Variants in MAEA observed in about 807,000 individuals in gnomAD.
MAEA encodes macrophage erythroblast attacher, E3 ubiquitin ligase.
In MAEA, 22 loss-of-function variants were observed where a neutral mutation model predicts 46.2. The observed-to-expected ratio is 0.48, with a 90% CI of 0.34 to 0.68. The LOEUF (loss-of-function observed/expected upper bound fraction) is 0.68, where lower values mean the gene tolerates loss of function less well. Ranked by LOEUF, MAEA falls within the 30% of genes least tolerant of loss-of-function variation. The pLI is 0.01. For missense variants in MAEA, 393 were observed against 558.1 expected (o/e 0.70, Z 2.98); for synonymous variants, 246 against 222.6 (o/e 1.11, Z -0.94).
intron 6 of MAEA, among the ~76,000 whole-genome samples, chr4:1,336,406 C>T (rs1369411937): frequency 6.7e-6 from 1 of 150,164 alleles, no homozygotes; most frequent in Non-Finnish European, 1.5e-5. Context: ...CACCCCACAG[C>T]ATGTTGAAAT....
chr4:1,292,230 A>G (rs1734171484), intron 1 of MAEA, among the ~76,000 whole-genome samples: 2 of 152,094 alleles, frequency 1.3e-5, no homozygotes, highest in South Asian at 4.1e-4. Context: ...TTCACCTGGT[A>G]ATAGTTAAAC....
At chr4:1,325,443 CAT>C (rs1377896323) in intron 4 of MAEA, among the ~76,000 whole-genome samples, 3 of 152,224 alleles carry the variant, frequency 2.0e-5, no homozygotes, top group African/African-American at 7.2e-5. Context: ...AGTTTCACGA[CAT>C]AGACACACTT....
chr4:1,321,913 T>C (rs928389613), intron 3 of MAEA, among the ~76,000 whole-genome samples: 2 of 151,988 alleles, frequency 1.3e-5, no homozygotes, highest in African/African-American at 4.8e-5. Flanking sequence ...AATCATTGGT[T>C]GTAACTACCG....
intron 1 of MAEA, chr4:1,297,897 C>G (rs967537668): frequency 2.3e-5 from 10 of 433,224 alleles, no homozygotes; most frequent in African/African-American, 2.0e-4. Flanking sequence ...TTCTCCCTTG[C>G]CTCCACCCCT....
intron 4 of MAEA, among the ~76,000 whole-genome samples, chr4:1,326,617 T>C (rs1049252476): frequency 2.0e-5 from 3 of 151,984 alleles, no homozygotes; most frequent in Non-Finnish European, 4.4e-5. Context: ...CTGCAGGAGC[T>C]TCCCCCACCC....
intron 5 of MAEA, chr4:1,329,484 C>T (rs1274503432): frequency 1.0e-5 from 10 of 985,186 alleles, no homozygotes; most frequent in Non-Finnish European, 9.6e-6. Flanking sequence ...TCCTTCCTCC[C>T]GCAAGCAGAC....
intron 4 of MAEA, among the ~76,000 whole-genome samples, chr4:1,326,006 G>T (rs148497650): frequency 1.2e-3 from 178 of 152,080 alleles, no homozygotes; most frequent in African/African-American, 4.2e-3. Context: ...AGGCAGCAGG[G>T]CAGGGACCTG....
intron 3 of MAEA, among the ~76,000 whole-genome samples, chr4:1,316,329 T>TGGGGG (rs1560355632): frequency 7.9e-6 from 1 of 126,412 alleles, no homozygotes; most frequent in Non-Finnish European, 1.5e-5. Context: ...TCCACTGCTG[T>TGGGGG]GGGGGCCCAT....
Position 1,338,544 on chromosome 4 carries a change from A to G in MAEA, c.1022A>G (p.Lys341Arg). 6.2e-6 allele frequency: 10 copies of G among 1,613,392 alleles called. No individual in the cohort carries two copies. The highest frequency in any genetic ancestry group is 8.5e-6 in the Non-Finnish European group (10 of 1,180,010). ...TGTGCCAACTCCCGCCTGGTCTGCA[A>G]GATTTCTGGCGACGTGATGAACGAG... ...AHCANSRLVCKISGDVMNENN... is the reference protein window; with the variant it reads ...AHCANSRLVCRISGDVMNENN... Residue 341 changes from lysine to arginine, a missense_variant, in exon 8 of 9, where the codon AAG (lysine) becomes AGG (arginine). Lys to Arg is a conservative substitution (Grantham distance 26). Transcript: ENST00000303400.
At chr4:1,303,191 G>T (rs978525950) in intron 1 of MAEA, among the ~76,000 whole-genome samples, 1 of 135,342 alleles carries the variant, frequency 7.4e-6, no homozygotes, top group East Asian at 2.2e-4. Context: ...GATTGAGACC[G>T]TCCTGGCCAA....
chr4:1,308,833 G>A (rs550765963), intron 1 of MAEA, among the ~76,000 whole-genome samples: 3 of 152,326 alleles, frequency 2.0e-5, no homozygotes, highest in East Asian at 3.9e-4. Flanking sequence ...AGATCCCTGG[G>A]TTGCAGCTAT....
At chr4:1,298,177 C>G (rs939874494) in intron 1 of MAEA, 1 of 427,048 alleles carries the variant, frequency 2.3e-6, no homozygotes, top group African/African-American at 2.0e-5. Context: ...TCCTTGTGCT[C>G]TGCCCGCGGC....
rs184644176 is a variant in MAEA at position 1,311,565 on chromosome 4, C to A, written c.70-414C>A. Among the ~76,000 whole-genome samples the A allele has an allele frequency of 7.9e-5, 12 of 152,262 alleles. 1 individual carries two copies. In the East Asian group the frequency reaches 1.7e-3, roughly 22 times the overall value. ...CGCCCCATGCACCCTTGTCCCTGCCCGGCCTGGCCTCGTGTGGTGGCGCCT... is the reference window on the plus strand; with the variant it reads ...CGCCCCATGCACCCTTGTCCCTGCCAGGCCTGGCCTCGTGTGGTGGCGCCT... On this transcript the variant is annotated intron_variant, in intron 1 of 8. Coordinates refer to ENST00000303400, the MANE Select transcript of MAEA (RefSeq NM_001017405.3). The surrounding 1 kb of genome is among the most constrained non-coding windows in gnomAD (Gnocchi z 4.4).
chr4:1,322,523 G>A lies in MAEA; in HGVS notation c.579+20G>A. 6.2e-7 allele frequency: 1 copy of A among 1,612,928 alleles called. No individual in the cohort carries two copies. Among genetic ancestry groups the A allele is most frequent in the Non-Finnish European group, 8.5e-7 (1 of 1,179,598 alleles). Reference sequence around the variant, plus strand: ...ATGAAGGTGCACGGACTCCCAGGTTGGGGTGGGAGTGGGTCGGGGCCGAGG... The same window carrying A: ...ATGAAGGTGCACGGACTCCCAGGTTAGGGTGGGAGTGGGTCGGGGCCGAGG... On this transcript the variant is annotated intron_variant, in intron 4 of 8. Transcript: ENST00000303400.
rs1034106777 is a variant in MAEA, at chr4:1,311,226, C to T, written c.70-753C>T. Among the ~76,000 whole-genome samples, 5 of 152,222 alleles carry T rather than the reference C, an allele frequency of 3.3e-5. No homozygotes were observed. Among genetic ancestry groups the T allele is most frequent in the African/African-American group, 1.2e-4 (5 of 41,460 alleles). ...CCGGCCACCAGTGCAGCCAGGACCG[C>T]AGGTGGTGTTTCCTGCGGGAGCCCG... On this transcript the variant is annotated intron_variant, in intron 1 of 8. Transcript: ENST00000303400. The surrounding 1 kb of genome is among the most constrained non-coding windows in gnomAD (Gnocchi z 4.4).
intron 1 of MAEA, among the ~76,000 whole-genome samples, chr4:1,307,268 C>T (rs912011565): frequency 6.6e-6 from 1 of 151,834 alleles, no homozygotes; most frequent in African/African-American, 2.4e-5. Context: ...ATCACCATGA[C>T]CCTCTCATCT....
chr4:1,301,236 G>A (rs576264003), intron 1 of MAEA, among the ~76,000 whole-genome samples: 1 of 152,274 alleles, frequency 6.6e-6, no homozygotes, highest in African/African-American at 2.4e-5. Flanking sequence ...GTTTGAGGAA[G>A]CGCATCCTGA....
At chr4:1,312,285 T>G in intron 2 of MAEA, 124 bp downstream of exon 2, 69 of 1,036,808 alleles carry the variant, frequency 6.7e-5, no homozygotes, top group Non-Finnish European at 8.7e-5. Flanking sequence ...GGGGGCCCCC[T>G]TCCCTGCTGT....
intron 6 of MAEA, 104 bp from the exon 7 acceptor site, chr4:1,336,757 G>C (rs748488731): frequency 9.2e-7 from 1 of 1,082,056 alleles, no homozygotes; most frequent in Non-Finnish European, 1.3e-6. Context: ...ACTGGGGGAT[G>C]GCTGTGGGCC....
Sources: gnomAD v4.1 joint callset for allele counts (sites outside exome capture counted in the v4.1 genomes callset) on GRCh38, gnomAD v4.1.1 for gene constraint, Gnocchi (gnomAD v3.1) non-coding constraint, MANE v1.5 for transcripts, NCBI Gene and HGNC (gene_info 2026-07-23, HGNC 2026-07-21) for gene names.